The following MVB12B variants were observed in gnomAD, a reference collection of about 807,000 sequenced individuals.
MVB12B encodes the protein ESCRT-I complex subunit MVB12B.
In MVB12B, 16 loss-of-function variants were observed where a neutral mutation model predicts 41.6. That is an observed-to-expected ratio of 0.38 (90% CI 0.26 to 0.58). MVB12B has a LOEUF of 0.58. MVB12B is among the 20% of genes least tolerant of loss of function. MVB12B has a pLI of 0.62. For missense variants in MVB12B, 274 were observed against 380.2 expected, an observed-to-expected ratio of 0.72 and a Z score of 2.32; for synonymous variants, 133 against 139.7, an observed-to-expected ratio of 0.95 and a Z score of 0.34.
chr9:126,365,596 C>G (rs1248167072), intron 2 of MVB12B, among the ~76,000 whole-genome samples: 1 of 152,188 alleles, frequency 6.6e-6, no homozygotes, highest in Non-Finnish European at 1.5e-5. Flanking sequence ...CTGCCTTGGC[C>G]TCCCAAAGTG....
At position 126,421,891 on chromosome 9, in the gene MVB12B, A is replaced by C; in HGVS notation, c.700A>C (p.Arg234=). ...SLTLPATFRG[R]NSTRTDYEYQ... ...AACACTTCCTGCCACCTTCCGAGGC[A>C]GGAACAGCACCCGGACGGACTACGA... is the stretch of plus-strand genomic sequence containing the variant. Residue 234 remains arginine (R), a synonymous_variant, in exon 7 of 10, where the codon AGG becomes CGG. Transcript: ENST00000361171. 3 of 1,614,120 alleles carry C rather than the reference A, an allele frequency of 1.9e-6. No individual in the cohort carries two copies. Among genetic ancestry groups the C allele is most frequent in the Non-Finnish European group, 1.7e-6 (2 of 1,180,002 alleles).
At chr9:126,431,977 T>C (rs1200590921) in intron 7 of MVB12B, among the ~76,000 whole-genome samples, 6 of 152,142 alleles carry the variant, frequency 3.9e-5, no homozygotes, top group African/African-American at 1.4e-4. Flanking sequence ...TCCCAGGACT[T>C]AAAGCTATGT....
At chr9:126,449,148 C>A (rs1358267336) in intron 7 of MVB12B, among the ~76,000 whole-genome samples, 1 of 152,208 alleles carries the variant, frequency 6.6e-6, no homozygotes, top group Admixed American at 6.5e-5. Flanking sequence ...ACTGAGGAAA[C>A]TCCCATGTGC....
chr9:126,497,672 C>A (rs891420098), intron 9 of MVB12B, among the ~76,000 whole-genome samples: 1 of 152,208 alleles, frequency 6.6e-6, no homozygotes, highest in African/African-American at 2.4e-5. Context: ...CTCCCTACCC[C>A]CAAGGCCCAC....
chr9:126,421,725 G>T, intron 6 of MVB12B, 129 bp from the exon 7 acceptor site: 2 of 706,186 alleles, frequency 2.8e-6, no homozygotes, highest in Non-Finnish European at 5.1e-6. Flanking sequence ...TGAGAAGGAG[G>T]CGCTGGCCAG....
In MVB12B at chr9:126,363,864, G is replaced by A. The variant is rs12005465; in HGVS notation, c.205-17200G>A. On this transcript the variant is annotated intron_variant, in intron 2 of 9. Coordinates refer to ENST00000361171, the MANE Select transcript of MVB12B (RefSeq NM_033446.3). Reference sequence around the variant, plus strand: ...CTGTGGAATTATGTTCTGGTTCTGTGTGTTTCAATGGCACCCTTTTCCTCC... The same window carrying A: ...CTGTGGAATTATGTTCTGGTTCTGTATGTTTCAATGGCACCCTTTTCCTCC... Among the ~76,000 whole-genome samples the A allele has an allele frequency of 3.6e-3, 549 of 152,266 alleles. 2 individuals are homozygous for A. The highest frequency in any genetic ancestry group is 0.013 in the African/African-American group (527 of 41,530).
intron 6 of MVB12B, chr9:126,397,523 CA>C: frequency 1.0e-6 from 1 of 985,394 alleles, no homozygotes; most frequent in Non-Finnish European, 1.2e-6. Flanking sequence ...AAACAAATGT[CA>C]AAATAGTCAA....
Position 126,373,087 on chromosome 9 carries a change from G to T in MVB12B, c.205-7977G>T, listed in dbSNP as rs544450005. On this transcript the variant is annotated intron_variant, in intron 2 of 9. Coordinates refer to ENST00000361171, the MANE Select transcript of MVB12B (RefSeq NM_033446.3). Reference sequence around the variant, plus strand: ...GAGTGGAAAGGACCACCTGAAGACTGAGGCAGATGCATTTGTCTCAGGGAA... The same window carrying T: ...GAGTGGAAAGGACCACCTGAAGACTTAGGCAGATGCATTTGTCTCAGGGAA... Among the ~76,000 whole-genome samples, 136 of 152,294 alleles carry T rather than the reference G, an allele frequency of 8.9e-4. 1 individual carries two copies. The highest frequency in any genetic ancestry group is 1.7e-3 in the Non-Finnish European group (113 of 68,018).
intron 6 of MVB12B, among the ~76,000 whole-genome samples, chr9:126,402,883 T>C (rs1384789283): frequency 1.3e-5 from 2 of 152,252 alleles, no homozygotes; most frequent in African/African-American, 4.8e-5. Flanking sequence ...CGCAGGGTTC[T>C]TTACACAAGG....
rs954350531 is a variant in MVB12B at position 126,480,202 on chromosome 9, C to T, written c.758-1167C>T. Among the ~76,000 whole-genome samples, 15 of 152,176 alleles carry T rather than the reference C, an allele frequency of 9.9e-5. No homozygotes were observed. The highest frequency in any genetic ancestry group is 4.1e-4 in the South Asian group (2 of 4,828). On this transcript the variant is annotated intron_variant, in intron 7 of 9. Transcript: ENST00000361171. The surrounding 1 kb of genome is among the most constrained non-coding windows in gnomAD (Gnocchi z 4.9). ...CTCAGGGTGCGGCCACCCCTGACTT[C>T]GGGGCTCCGCGTCCCTGCACTCATG...
At chr9:126,456,770 C>T (rs1375916521) in intron 7 of MVB12B, among the ~76,000 whole-genome samples, 1 of 152,176 alleles carries the variant, frequency 6.6e-6, no homozygotes, top group Non-Finnish European at 1.5e-5. Context: ...GTGTTCTGTG[C>T]AAGAGCCATG....
intron 6 of MVB12B, among the ~76,000 whole-genome samples, chr9:126,397,966 C>T (rs1003826257): frequency 1.3e-5 from 2 of 151,920 alleles, no homozygotes; most frequent in African/African-American, 4.8e-5. Context: ...AAGGCAGGCC[C>T]CTCAGTGGGG....
chr9:126,346,008 G>A (rs1245769953), intron 2 of MVB12B, among the ~76,000 whole-genome samples: 1 of 152,218 alleles, frequency 6.6e-6, no homozygotes, highest in Non-Finnish European at 1.5e-5. Context: ...TCCATCAGGT[G>A]AGAGGTGAGA....
intron 7 of MVB12B, among the ~76,000 whole-genome samples, chr9:126,475,145 G>A (rs537005310): frequency 3.3e-5 from 5 of 152,308 alleles, no homozygotes; most frequent in Non-Finnish European, 7.3e-5. Context: ...TGGGTCTCTA[G>A]TGAACTCCTT....
intron 7 of MVB12B, among the ~76,000 whole-genome samples, chr9:126,461,059 G>C (rs1485655502): frequency 6.6e-6 from 1 of 152,166 alleles, no homozygotes; most frequent in Admixed American, 6.5e-5. Flanking sequence ...CCAGGCCTTG[G>C]GACCAGACAT....
chr9:126,342,589 C>G (rs577656307), intron 2 of MVB12B, among the ~76,000 whole-genome samples: 1 of 152,250 alleles, frequency 6.6e-6, no homozygotes. Context: ...CTCATCCGCC[C>G]GGTAATTACC....
In MVB12B at chr9:126,410,141, T is replaced by TTGTGTGTGTG. The variant is rs3222493; in HGVS notation, c.663-11690_663-11681dup. Among the ~76,000 whole-genome samples the TTGTGTGTGTG allele has an allele frequency of 3.8e-3, 560 of 148,572 alleles. 5 individuals carry two copies. Among genetic ancestry groups the TTGTGTGTGTG allele is most frequent in the Admixed American group, 4.7e-3 (70 of 15,040 alleles). The stretch of plus-strand genomic sequence containing the variant: ...TTGTCCAATGCACAGTGATTTGGTT[T>TTGTGTGTGTG]TGTGTGTGTGTGTGTGTGTGTGTGT... On this transcript the variant is annotated intron_variant, in intron 6 of 9. Transcript: ENST00000361171.
In MVB12B at chr9:126,367,141, C is replaced by T. The variant is rs888673859; in HGVS notation, c.205-13923C>T. Reference sequence around the variant, plus strand: ...GATAAGGTCCTCACAAGTCTTGACGCGGGTAGTTTCTTCTAAGCAGTCTCT... The same window carrying T: ...GATAAGGTCCTCACAAGTCTTGACGTGGGTAGTTTCTTCTAAGCAGTCTCT... On this transcript the variant is annotated intron_variant, in intron 2 of 9. Transcript: ENST00000361171. This position sits in a 1 kb window ranked among gnomAD's most constrained non-coding sequence, Gnocchi z 4.3. Among the ~76,000 whole-genome samples, 3 of 152,176 alleles carry T rather than the reference C, an allele frequency of 2.0e-5. No individual in the cohort carries two copies. Among genetic ancestry groups the T allele is most frequent in the East Asian group, 1.9e-4 (1 of 5,160 alleles).
chr9:126,382,193 C>T (rs932487110), intron 3 of MVB12B, among the ~76,000 whole-genome samples: 4 of 151,846 alleles, frequency 2.6e-5, no homozygotes, highest in African/African-American at 4.8e-5. Flanking sequence ...CACCTGGCCC[C>T]GCAGGCCCAG....
Sources: allele counts gnomAD v4.1 joint callset (sites outside exome capture counted in the v4.1 genomes callset), GRCh38; gene constraint gnomAD v4.1.1; non-coding constraint Gnocchi (gnomAD v3.1); transcripts MANE v1.5; gene names NCBI Gene and HGNC (gene_info 2026-07-23, HGNC 2026-07-21).